Variants in KCNJ12 observed in about 807,000 individuals in gnomAD.
KCNJ12 encodes the protein potassium inwardly rectifying channel subfamily J member 12.
Under a neutral mutation model 22.3 loss-of-function variants are expected in KCNJ12, and 2 were observed. The ratio of observed to expected loss-of-function variants is 0.09; its 90% CI spans 0.04 to 0.28. The LOEUF (loss-of-function observed/expected upper bound fraction) is 0.28, where lower values mean the gene tolerates loss of function less well. Among genes scored for constraint, KCNJ12 ranks in the 10% least tolerant of loss-of-function variants. The probability of loss-of-function intolerance (pLI) is 1.00; values close to 1 mark genes in which losing one functional copy is unlikely to be tolerated. For missense variants in KCNJ12, 155 were observed against 633.3 expected, an observed-to-expected ratio of 0.24 and a Z score of 8.11; for synonymous variants, 117 against 261.4, an observed-to-expected ratio of 0.45 and a Z score of 5.33.
At chr17:21,412,550 T>C (rs1906422858) in intron 2 of KCNJ12, among the ~76,000 whole-genome samples, 1 of 152,292 alleles carries the variant, frequency 6.6e-6, no homozygotes, top group African/African-American at 2.4e-5. Context: ...CGCCGGCGTC[T>C]GAGTGCCCCG....
intron 1 of KCNJ12, among the ~76,000 whole-genome samples, chr17:21,385,882 C>T (rs1345858856): frequency 3.3e-5 from 5 of 152,330 alleles, no homozygotes; most frequent in Admixed American, 3.3e-4. Flanking sequence ...AGCAGGAACC[C>T]TGGGAGCCTC....
At chr17:21,377,698 G>T (rs1904714711) in intron 1 of KCNJ12, among the ~76,000 whole-genome samples, 1 of 152,152 alleles carries the variant, frequency 6.6e-6, no homozygotes, top group Non-Finnish European at 1.5e-5. Context: ...GGGAGTTGAG[G>T]CCCAAGCGAG....
intron 1 of KCNJ12, among the ~76,000 whole-genome samples, chr17:21,406,893 T>C (rs1905975810): frequency 6.6e-6 from 1 of 152,296 alleles, no homozygotes; most frequent in East Asian, 1.9e-4. Context: ...GTGGAGATCC[T>C]CAGAGCCCCT....
intron 1 of KCNJ12, among the ~76,000 whole-genome samples, chr17:21,385,093 C>T (rs1470181271): frequency 1.3e-5 from 2 of 152,182 alleles, no homozygotes; most frequent in African/African-American, 4.8e-5. Context: ...TCACTTTGAC[C>T]TGTCTCCAAG....
intron 2 of KCNJ12, among the ~76,000 whole-genome samples, chr17:21,414,339 G>A (rs1349761618): frequency 6.6e-6 from 1 of 152,284 alleles, no homozygotes; most frequent in Non-Finnish European, 1.5e-5. Context: ...GCTGGATGTG[G>A]TGGCGGGCAC....
intron 1 of KCNJ12, among the ~76,000 whole-genome samples, chr17:21,383,782 C>T (rs761682270): frequency 1.4e-4 from 21 of 152,156 alleles, no homozygotes; most frequent in Non-Finnish European, 2.2e-4. Context: ...TTCCTGAGCT[C>T]AGCAGGTGGC....
intron 1 of KCNJ12, among the ~76,000 whole-genome samples, chr17:21,386,073 G>C (rs918740764): frequency 2.0e-5 from 3 of 152,246 alleles, no homozygotes; most frequent in Non-Finnish European, 4.4e-5. Flanking sequence ...GAGACCCTGT[G>C]TTGGTTTCCT....
intron 1 of KCNJ12, among the ~76,000 whole-genome samples, chr17:21,382,583 C>T (rs782172691): frequency 4.6e-5 from 7 of 152,190 alleles, no homozygotes; most frequent in Non-Finnish European, 8.8e-5. Context: ...TAGTGGCCAG[C>T]AGTGATCACC....
At chr17:21,410,969 C>T (rs1174929778) in intron 2 of KCNJ12, among the ~76,000 whole-genome samples, 16 of 152,412 alleles carry the variant, frequency 1.0e-4, no homozygotes, top group African/African-American at 1.4e-4. Flanking sequence ...CCTCGTGAGG[C>T]GCCCCAGCTA....
chr17:21,400,362 A>C (rs78839767), intron 1 of KCNJ12, among the ~76,000 whole-genome samples: 1 of 152,284 alleles, frequency 6.6e-6, no homozygotes, highest in African/African-American at 2.4e-5. Flanking sequence ...AGCCCTGTTG[A>C]CCCTCAGCTG....
At chr17:21,397,392 G>A (rs1461017924) in intron 1 of KCNJ12, among the ~76,000 whole-genome samples, 2 of 152,192 alleles carry the variant, frequency 1.3e-5, no homozygotes, top group African/African-American at 4.8e-5. Context: ...GGGCTTCAGC[G>A]CCCGGCTGCC....
At chr17:21,409,125 G>C (rs1906164419) in intron 2 of KCNJ12, among the ~76,000 whole-genome samples, 2 of 152,312 alleles carry the variant, frequency 1.3e-5, no homozygotes, top group African/African-American at 4.8e-5. Flanking sequence ...CTAGGCCTCT[G>C]AGCTTGGTCA....
rs144639343 is a variant in KCNJ12, at chr17:21,416,408, C to T, written c.1066C>T (p.Arg356Cys). The change falls in exon 3 of 3, where the codon CGC (arginine) becomes TGC (cysteine). Residue 356 changes from arginine (R) to cysteine (C), a missense_variant. Coordinates refer to ENST00000583088, the MANE Select transcript of KCNJ12 (RefSeq NM_021012.5). The stretch of plus-strand genomic sequence containing the variant: ...GACCTATGAGGTGCCCTCTACGCCC[C>T]GCTGCAGTGCGAAGGATCTGGTAGA... ...HKTYEVPSTP[R>C]CSAKDLVENK... The T allele has an allele frequency of 1.9e-5, 31 of 1,613,930 alleles. No individual in the cohort carries two copies. The highest frequency in any genetic ancestry group is 9.9e-5 in the South Asian group (9 of 91,080).
At position 21,389,686 on chromosome 17, in the gene KCNJ12, G is replaced by A. The variant is rs1555559103; in HGVS notation, c.-179+12773G>A. Among the ~76,000 whole-genome samples, 6 of 152,138 alleles carry A rather than the reference G, an allele frequency of 3.9e-5. 1 individual carries two copies. The highest frequency in any genetic ancestry group is 3.3e-4 in the Admixed American group (5 of 15,292). On this transcript the variant is annotated intron_variant, in intron 1 of 2. Coordinates refer to ENST00000583088, the MANE Select transcript of KCNJ12 (RefSeq NM_021012.5). ...TGGTGGGGCAGGGACGGTTTCCTGG[G>A]GAAGAGGCCCTGGATCCTGGCCCCA... is the stretch of plus-strand genomic sequence containing the variant.
chr17:21,409,604 T>G (rs1354921181), intron 2 of KCNJ12, among the ~76,000 whole-genome samples: 3 of 152,308 alleles, frequency 2.0e-5, no homozygotes, highest in African/African-American at 7.2e-5. Context: ...CCCAGCCACC[T>G]GCTCCCATCA....
At chr17:21,377,379 C>G (rs1904698201) in intron 1 of KCNJ12, among the ~76,000 whole-genome samples, 1 of 152,208 alleles carries the variant, frequency 6.6e-6, no homozygotes, top group South Asian at 2.1e-4. Context: ...GAGAATGCCT[C>G]CCGTCAGAGA....
intron 1 of KCNJ12, among the ~76,000 whole-genome samples, chr17:21,388,772 C>T (rs999992351): frequency 3.3e-5 from 5 of 152,190 alleles, no homozygotes; most frequent in Non-Finnish European, 7.3e-5. Flanking sequence ...AGGAGTGGGG[C>T]TTGAGAGATG....
intron 1 of KCNJ12, among the ~76,000 whole-genome samples, chr17:21,386,975 G>T (rs1473448215): frequency 1.3e-5 from 2 of 152,164 alleles, no homozygotes; most frequent in Non-Finnish European, 2.9e-5. Context: ...ACTACTCATG[G>T]CCAACCCAGA....
chr17:21,381,639 C>T (rs569533264), intron 1 of KCNJ12, among the ~76,000 whole-genome samples: 1 of 152,302 alleles, frequency 6.6e-6, no homozygotes, highest in Admixed American at 6.5e-5. Context: ...CCAGATGCCA[C>T]CCTCTCTCCA....
Sources: allele counts gnomAD v4.1 joint callset (sites outside exome capture counted in the v4.1 genomes callset), GRCh38; gene constraint gnomAD v4.1.1; transcripts MANE v1.5; gene names NCBI Gene and HGNC (gene_info 2026-07-23, HGNC 2026-07-21).